TNIK: variants seen among roughly 807,000 people sequenced by gnomAD.
TNIK encodes TRAF2 and NCK-interacting protein kinase.
In TNIK, 49 loss-of-function variants were observed where a neutral mutation model predicts 191.3. The ratio of observed to expected loss-of-function variants is 0.26; its 90% CI spans 0.20 to 0.32. The LOEUF is 0.32. Ranked by LOEUF, TNIK falls within the 10% of genes least tolerant of loss-of-function variation. The pLI is 1.00. For synonymous variants in TNIK, 594 were observed against 600.9 expected (o/e 0.99, Z 0.17); for missense variants, 1,155 against 1,702.3 (o/e 0.68, Z 5.66).
At chr3:171,172,471 A>G (rs950337066) in intron 9 of TNIK, among the ~76,000 whole-genome samples, 1 of 152,258 alleles carries the variant, frequency 6.6e-6, no homozygotes, top group Non-Finnish European at 1.5e-5. Context: ...GAGTCTATTA[A>G]AGTAAACCCT....
intron 1 of TNIK, among the ~76,000 whole-genome samples, chr3:171,441,293 G>A (rs1017698507): frequency 3.3e-5 from 5 of 151,978 alleles, no homozygotes; most frequent in South Asian, 2.1e-4. Flanking sequence ...AGATCCCTCC[G>A]GCCCATTTAC....
In TNIK at chr3:171,460,227, C is replaced by T. The variant is rs938802551; in HGVS notation, c.-164G>A. 2.3e-6 allele frequency: 2 copies of T among 867,798 alleles called. No individual in the cohort carries two copies. The highest frequency in any genetic ancestry group is 3.4e-5 in the African/African-American group (2 of 59,352). The allele number at this position is 867,798 out of a possible 1,614,324, so 53.8% of individuals were successfully genotyped here. A position where few individuals can be genotyped will look rare whatever the true frequency, so the allele number is the denominator to read the frequency against. ...CAGCCCCACAGCGCCGGATCCCGATCCTCCGCGCGTCGGTCCGCCGGGTCC... is the reference window on the plus strand; with the variant it reads ...CAGCCCCACAGCGCCGGATCCCGATTCTCCGCGCGTCGGTCCGCCGGGTCC... On this transcript the variant is annotated 5_prime_UTR_variant, in exon 1 of 33. Coordinates refer to ENST00000436636, the MANE Select transcript of TNIK (RefSeq NM_015028.4). The surrounding 1 kb of genome is among the most constrained non-coding windows in gnomAD (Gnocchi z 6.8).
chr3:171,183,320 A>C (rs1465455127), intron 7 of TNIK, among the ~76,000 whole-genome samples: 2 of 152,238 alleles, frequency 1.3e-5, no homozygotes, highest in Admixed American at 1.3e-4. Context: ...CCATTATCAC[A>C]AAGCAGAGAG....
chr3:171,077,114 C>G (rs1425166441), intron 28 of TNIK, among the ~76,000 whole-genome samples: 2 of 127,534 alleles, frequency 1.6e-5, no homozygotes, highest in Non-Finnish European at 3.2e-5. Context: ...ATGTATCTCT[C>G]TCTAAGCACA....
At chr3:171,125,505 TTG>T (rs1465944993) in intron 17 of TNIK, among the ~76,000 whole-genome samples, 3 of 152,232 alleles carry the variant, frequency 2.0e-5, no homozygotes, top group African/African-American at 7.2e-5. Flanking sequence ...GGCTTCACTT[TTG>T]TGTTGTTAAA....
intron 2 of TNIK, among the ~76,000 whole-genome samples, chr3:171,327,379 A>G (rs1755885430): frequency 6.6e-6 from 1 of 152,182 alleles, no homozygotes; most frequent in African/African-American, 2.4e-5. Context: ...AGCACACAGG[A>G]GAGCTACCTT....
At chr3:171,107,725 A>G (rs969684696) in intron 20 of TNIK, among the ~76,000 whole-genome samples, 4 of 152,200 alleles carry the variant, frequency 2.6e-5, no homozygotes, top group Admixed American at 1.3e-4. Flanking sequence ...AGATTAGAGA[A>G]GTTCATAGAA....
At chr3:171,245,897 TAAGAGAGAGAGA>T (rs1394649571) in intron 2 of TNIK, among the ~76,000 whole-genome samples, 1 of 151,584 alleles carries the variant, frequency 6.6e-6, no homozygotes, top group African/African-American at 2.4e-5. Context: ...CTATTGGAAA[TAAGAGAGAGAGA>T]AAGAGAGAGA....
chr3:171,143,049 C>T, intron 12 of TNIK, among the ~76,000 whole-genome samples: 1 of 152,216 alleles, frequency 6.6e-6, no homozygotes, highest in African/African-American at 2.4e-5. Flanking sequence ...TCAAGAGCGT[C>T]TGGGCTTCCC....
At chr3:171,160,306 G>T (rs1733818769) in intron 11 of TNIK, among the ~76,000 whole-genome samples, 1 of 152,086 alleles carries the variant, frequency 6.6e-6, no homozygotes, top group Admixed American at 6.6e-5. Context: ...CAGCTCAGTA[G>T]GTCTGAGTTA....
At position 171,108,064 on chromosome 3, in the gene TNIK, C is replaced by T; in HGVS notation, c.2382+1G>A. The T allele has an allele frequency of 6.4e-7, 1 of 1,559,984 alleles. No homozygotes were observed. The highest frequency in any genetic ancestry group is 8.7e-7 in the Non-Finnish European group (1 of 1,151,088). ...AAACTCTTGGAGAGAAAAGCACTCA[C>T]AGCTGGTCGACTGGGCCGGGTAATG... On this transcript the variant is annotated splice_donor_variant, in intron 20 of 32. Transcript: ENST00000436636. LOFTEE classifies it high-confidence loss of function.
At chr3:171,079,956 TAGTA>T (rs1179974795) in intron 27 of TNIK, among the ~76,000 whole-genome samples, 1 of 152,234 alleles carries the variant, frequency 6.6e-6, no homozygotes, top group East Asian at 1.9e-4. Context: ...CTGCTGAACT[TAGTA>T]AGAGCTAACT....
intron 2 of TNIK, among the ~76,000 whole-genome samples, chr3:171,336,198 T>C (rs1350839203): frequency 1.3e-5 from 2 of 152,160 alleles, no homozygotes; most frequent in Non-Finnish European, 2.9e-5. Flanking sequence ...TGGGTTTTTG[T>C]TTTCCTCCAT....
intron 2 of TNIK, among the ~76,000 whole-genome samples, chr3:171,268,235 TC>T (rs1019984461): frequency 4.3e-4 from 65 of 152,288 alleles, no homozygotes; most frequent in African/African-American, 1.4e-3. Flanking sequence ...TCCGTGTGTG[TC>T]TTTATGTTGC....
chr3:171,390,104 C>T, intron 1 of TNIK, among the ~76,000 whole-genome samples: 1 of 152,150 alleles, frequency 6.6e-6, no homozygotes, highest in Non-Finnish European at 1.5e-5. Context: ...ATTATCAACA[C>T]ATTTGATTTT....
chr3:171,404,404 T>C (rs1415741803), intron 1 of TNIK, among the ~76,000 whole-genome samples: 1 of 152,176 alleles, frequency 6.6e-6, no homozygotes, highest in Non-Finnish European at 1.5e-5. Flanking sequence ...TCCCTATCAC[T>C]GCCACTAATT....
intron 21 of TNIK, among the ~76,000 whole-genome samples, chr3:171,105,296 G>A (rs1045710986): frequency 6.6e-6 from 1 of 152,104 alleles, no homozygotes; most frequent in African/African-American, 2.4e-5. Context: ...ATTCTTTATT[G>A]TAGGGAGTTC....
At position 171,138,183 on chromosome 3, in the gene TNIK, T is replaced by G. The variant is rs1294417391; in HGVS notation, c.1608+8A>C. 1.9e-6 allele frequency: 3 copies of G among 1,576,944 alleles called. No homozygotes were observed. The African/African-American group carries it at 4.1e-5, about 22-fold the overall frequency. On this transcript the variant is annotated splice_region_variant and intron_variant, in intron 15 of 32. Coordinates refer to ENST00000436636, the MANE Select transcript of TNIK (RefSeq NM_015028.4). ...GCCAACAGGGTGAGGCTACCCTTGC[T>G]TACTTACCTCCTTGGCCCATGCTGG...
chr3:171,073,698 T>C (rs1719518431), intron 28 of TNIK, among the ~76,000 whole-genome samples: 1 of 152,114 alleles, frequency 6.6e-6, no homozygotes, highest in Non-Finnish European at 1.5e-5. Context: ...GCAAAGGACA[T>C]GAACACACAT....
Sources: allele counts gnomAD v4.1 joint callset (sites outside exome capture counted in the v4.1 genomes callset), GRCh38; gene constraint gnomAD v4.1.1; non-coding constraint Gnocchi (gnomAD v3.1); transcripts MANE v1.5; gene names NCBI Gene and HGNC (gene_info 2026-07-23, HGNC 2026-07-21).